ADGRL3: variants seen among roughly 807,000 people sequenced by gnomAD.
ADGRL3 encodes the protein adhesion G protein-coupled receptor L3.
In ADGRL3, 62 loss-of-function variants were observed where a neutral mutation model predicts 153.5. The ratio of observed to expected loss-of-function variants is 0.40; its 90% CI spans 0.33 to 0.50. The LOEUF is 0.50. Ranked by LOEUF, ADGRL3 falls within the 20% of genes least tolerant of loss-of-function variation. ADGRL3 has a pLI of 0.47. For missense variants in ADGRL3, 1,641 were observed against 1,859.4 expected, an observed-to-expected ratio of 0.88 and a Z score of 2.16; for synonymous variants, 710 against 672.5, an observed-to-expected ratio of 1.06 and a Z score of -0.86.
At chr4:61,437,417 C>A (rs1014640493) in intron 2 of ADGRL3, among the ~76,000 whole-genome samples, 1 of 152,086 alleles carries the variant, frequency 6.6e-6, no homozygotes, top group Admixed American at 6.6e-5. Flanking sequence ...ATTTCCTTGG[C>A]CAGGATAAAT....
chr4:61,505,259 T>C (rs956545098), intron 3 of ADGRL3, among the ~76,000 whole-genome samples: 4 of 152,210 alleles, frequency 2.6e-5, no homozygotes, highest in Non-Finnish European at 5.9e-5. Context: ...TTTTGAGAAA[T>C]GTCTATTCAC....
intron 2 of ADGRL3, among the ~76,000 whole-genome samples, chr4:61,439,055 C>T (rs2097494119): frequency 6.6e-6 from 1 of 151,608 alleles, no homozygotes; most frequent in Non-Finnish European, 1.5e-5. Context: ...AAACAGAAAC[C>T]CAGAAAAAAA....
chr4:61,473,499 C>T (rs2097996707), intron 2 of ADGRL3, among the ~76,000 whole-genome samples: 1 of 151,900 alleles, frequency 6.6e-6, no homozygotes. Context: ...GGATCCAGCA[C>T]TTACTTGTTT....
intron 5 of ADGRL3, among the ~76,000 whole-genome samples, chr4:61,601,373 T>C (rs954164): frequency 0.015 from 2,312 of 152,276 alleles, 67 homozygotes; most frequent in African/African-American, 0.052. Flanking sequence ...TTAATTTTAG[T>C]AACTATAAAA....
chr4:62,061,503 C>T (rs982596352), intron 25 of ADGRL3, among the ~76,000 whole-genome samples: 1 of 151,828 alleles, frequency 6.6e-6, no homozygotes, highest in African/African-American at 2.4e-5. Flanking sequence ...TGCAATTTTA[C>T]CCACAAAGTA....
At chr4:61,216,012 T>C (rs1742621401) in intron 1 of ADGRL3, among the ~76,000 whole-genome samples, 1 of 152,102 alleles carries the variant, frequency 6.6e-6, no homozygotes, top group Admixed American at 6.6e-5. Context: ...CCCTAAAATA[T>C]CCATGGGATA....
At chr4:61,235,272 G>GTTTTTTTTTTTTTTTTTTTTTTTT (rs1266361743) in intron 1 of ADGRL3, among the ~76,000 whole-genome samples, 2 of 152,098 alleles carry the variant, frequency 1.3e-5, no homozygotes, top group African/African-American at 4.8e-5. Context: ...ACTGTCCTAT[G>GTTTTTTTTTTTTTTTTTTTTTTTT]TTTTTACTCT....
intron 5 of ADGRL3, among the ~76,000 whole-genome samples, chr4:61,627,980 A>C (rs748811047): frequency 5.3e-5 from 8 of 152,160 alleles, no homozygotes; most frequent in African/African-American, 7.2e-5. Context: ...CCTCAATAAC[A>C]AGGATGCTTG....
At chr4:61,719,748 C>A (rs1032672743) in intron 6 of ADGRL3, among the ~76,000 whole-genome samples, 4 of 151,730 alleles carry the variant, frequency 2.6e-5, no homozygotes, top group African/African-American at 9.7e-5. Context: ...ACTACAGGTG[C>A]CCACCACTAC....
chr4:61,458,618 G>A (rs1188927285), intron 2 of ADGRL3, among the ~76,000 whole-genome samples: 2 of 151,392 alleles, frequency 1.3e-5, no homozygotes, highest in East Asian at 3.9e-4. Flanking sequence ...TCAACTTATT[G>A]TAACTCTTAA....
intron 2 of ADGRL3, among the ~76,000 whole-genome samples, chr4:61,458,918 A>G (rs1413609902): frequency 6.6e-6 from 1 of 151,458 alleles, no homozygotes; most frequent in Non-Finnish European, 1.5e-5. Context: ...TTTTTCTATA[A>G]AGCATTTAAC....
At chr4:61,909,454 T>C in intron 11 of ADGRL3, 106 bp from the exon 12 acceptor site, 1 of 717,504 alleles carries the variant, frequency 1.4e-6, no homozygotes, top group African/African-American at 1.8e-5. Context: ...AACAACTATT[T>C]CTTGAATCGA....
intron 8 of ADGRL3, among the ~76,000 whole-genome samples, chr4:61,756,013 G>A (rs1202322238): frequency 1.3e-5 from 2 of 152,094 alleles, no homozygotes; most frequent in Non-Finnish European, 2.9e-5. Flanking sequence ...TGCTGTTTTG[G>A]TTACTGTAGC....
chr4:61,235,738 G>A (rs550362260), intron 1 of ADGRL3, among the ~76,000 whole-genome samples: 2 of 152,164 alleles, frequency 1.3e-5, no homozygotes, highest in Non-Finnish European at 2.9e-5. Flanking sequence ...ACCTATGGAA[G>A]CCATTAAGTA....
intron 2 of ADGRL3, among the ~76,000 whole-genome samples, chr4:61,387,054 G>C (rs944237605): frequency 6.6e-6 from 1 of 152,092 alleles, no homozygotes; most frequent in Non-Finnish European, 1.5e-5. Flanking sequence ...AGCGTTGGCC[G>C]CCTTGAGAAA....
rs1036449527 is a variant in ADGRL3 at position 62,076,087 on chromosome 4, G to A, written c.*5179G>A. 5.3e-5 allele frequency: 8 copies of A among 151,880 alleles called. No individual in the cohort carries two copies. The highest frequency in any genetic ancestry group is 1.9e-4 in the African/African-American group (8 of 41,370). 9.4% of individuals were successfully genotyped at this position (151,880 alleles called of 1,614,324 possible). On this transcript the variant is annotated 3_prime_UTR_variant, in exon 27 of 27. Coordinates refer to ENST00000683033, the MANE Select transcript of ADGRL3 (RefSeq NM_001387552.1). ...GCTTGTTTACGATATTTAAAACTTT[G>A]TGATTTCTGCAATAAAACAGGTAGT...
rs191400564 is a variant in ADGRL3 at position 61,469,328 on chromosome 4, T to C, written c.-173-27793T>C. Among the ~76,000 whole-genome samples, 516 of 152,230 alleles carry C rather than the reference T, an allele frequency of 3.4e-3. 2 individuals are homozygous for C. The highest frequency in any genetic ancestry group is 0.012 in the African/African-American group (496 of 41,562). Reference sequence around the variant, plus strand: ...AACAGTGTGTTCCCTAAAGAATTATTATGAGTATTAAATGAATTAACCTTT... The same window carrying C: ...AACAGTGTGTTCCCTAAAGAATTATCATGAGTATTAAATGAATTAACCTTT... On this transcript the variant is annotated intron_variant, in intron 2 of 26. Coordinates refer to ENST00000683033, the MANE Select transcript of ADGRL3 (RefSeq NM_001387552.1).
chr4:61,758,895 C>T (rs1258523015), intron 8 of ADGRL3, among the ~76,000 whole-genome samples: 1 of 152,176 alleles, frequency 6.6e-6, no homozygotes, highest in African/African-American at 2.4e-5. Context: ...AATCTCTCAG[C>T]ATTTGCTAGT....
At chr4:61,734,518 G>A (rs2096483985) in intron 8 of ADGRL3, among the ~76,000 whole-genome samples, 1 of 152,164 alleles carries the variant, frequency 6.6e-6, no homozygotes, top group Non-Finnish European at 1.5e-5. Context: ...GAAAGGGGAA[G>A]AGTCCCTTAT....
Sources: gnomAD v4.1 joint callset for allele counts (sites outside exome capture counted in the v4.1 genomes callset) on GRCh38, gnomAD v4.1.1 for gene constraint, MANE v1.5 for transcripts, NCBI Gene and HGNC (gene_info 2026-07-23, HGNC 2026-07-21) for gene names.